PPP1R12A: variants seen among roughly 807,000 people sequenced by gnomAD.
PPP1R12A encodes myosin binding subunit.
PPP1R12A carries 19 observed loss-of-function variants against 139.6 expected under a neutral mutation model. That is an observed-to-expected ratio of 0.14 (90% CI 0.09 to 0.20). The LOEUF is 0.20. Among genes scored for constraint, PPP1R12A ranks in the 10% least tolerant of loss-of-function variants. The pLI is 1.00. For synonymous variants in PPP1R12A, 427 were observed against 420.6 expected, an observed-to-expected ratio of 1.02 and a Z score of -0.19; for missense variants, 925 against 1,211.5, an observed-to-expected ratio of 0.76 and a Z score of 3.51.
chr12:79,930,574 A>T (rs1292563239), intron 1 of PPP1R12A, among the ~76,000 whole-genome samples: 1 of 152,142 alleles, frequency 6.6e-6, no homozygotes, highest in Admixed American at 6.5e-5. Flanking sequence ...GGAGTTCGAG[A>T]CCAGTCTGAT....
chr12:79,806,295 G>C lies in PPP1R12A; in HGVS notation c.1694C>G (p.Ser565Cys). ...FGRRQDDLIS[S>C]SVPSTTSTPT... Reference sequence around the variant, plus strand: ...TGTTGATGTGGTGCTTGGAACACTAGAACTAATCAAATCATCTTGTCTTCT... The same window carrying C: ...TGTTGATGTGGTGCTTGGAACACTACAACTAATCAAATCATCTTGTCTTCT... Residue 565 changes from serine (S) to cysteine (C), a missense_variant, in exon 13 of 25, where the codon TCT (serine) becomes TGT (cysteine). By Grantham distance (112) the Ser-to-Cys change is moderately radical (BLOSUM62 -1). Coordinates refer to ENST00000450142, the MANE Select transcript of PPP1R12A (RefSeq NM_002480.3). 5.0e-6 allele frequency: 8 copies of C among 1,613,708 alleles called. No homozygotes were observed. The highest frequency in any genetic ancestry group is 6.8e-6 in the Non-Finnish European group (8 of 1,179,760).
intron 1 of PPP1R12A, among the ~76,000 whole-genome samples, chr12:79,920,282 T>C (rs1887336986): frequency 6.6e-6 from 1 of 152,220 alleles, no homozygotes; most frequent in African/African-American, 2.4e-5. Flanking sequence ...GACATTTGTG[T>C]TTTCATCTTT....
intron 3 of PPP1R12A, among the ~76,000 whole-genome samples, chr12:79,843,282 T>C (rs1343429519): frequency 6.6e-6 from 1 of 152,134 alleles, no homozygotes; most frequent in East Asian, 1.9e-4. Flanking sequence ...TTGTTTTAAA[T>C]TCTTTTGGGT....
At chr12:79,846,501 C>T (rs1879415551) in intron 2 of PPP1R12A, among the ~76,000 whole-genome samples, 1 of 152,022 alleles carries the variant, frequency 6.6e-6, no homozygotes. Context: ...GTAATCTCTG[C>T]TCACTGCAAG....
intron 23 of PPP1R12A, among the ~76,000 whole-genome samples, chr12:79,781,610 T>A (rs1317246738): frequency 6.6e-6 from 1 of 152,030 alleles, no homozygotes; most frequent in African/African-American, 2.4e-5. Flanking sequence ...TGTGGTAAAT[T>A]AAATTTTATT....
chr12:79,909,540 T>C (rs964434019), intron 1 of PPP1R12A, among the ~76,000 whole-genome samples: 13 of 151,706 alleles, frequency 8.6e-5, no homozygotes, highest in Non-Finnish European at 1.6e-4. Context: ...ATGGAGACCA[T>C]CCTCACCAAC....
chr12:79,816,643 T>C (rs1875424532), intron 9 of PPP1R12A, among the ~76,000 whole-genome samples: 1 of 151,882 alleles, frequency 6.6e-6, no homozygotes, highest in African/African-American at 2.4e-5. Context: ...AGAGAAGAGA[T>C]GAGAGGGATG....
At chr12:79,916,997 G>A (rs1358215362) in intron 1 of PPP1R12A, among the ~76,000 whole-genome samples, 1 of 151,804 alleles carries the variant, frequency 6.6e-6, no homozygotes, top group Non-Finnish European at 1.5e-5. Flanking sequence ...AACAGTTGAG[G>A]TACTTTACCA....
chr12:79,779,889 T>A (rs367771587), intron 23 of PPP1R12A: 6 of 155,970 alleles, frequency 3.8e-5, no homozygotes, highest in African/African-American at 1.4e-4. Context: ...TTTCTTATGT[T>A]TGACAAACAT....
chr12:79,818,078 CCTAA>C (rs1875625812), intron 8 of PPP1R12A, among the ~76,000 whole-genome samples: 1 of 152,142 alleles, frequency 6.6e-6, no homozygotes, highest in Non-Finnish European at 1.5e-5. Context: ...AAATAATCCA[CCTAA>C]CTGTGTAGAG....
chr12:79,832,801 TA>T (rs1489091964), intron 3 of PPP1R12A, among the ~76,000 whole-genome samples: 1 of 152,024 alleles, frequency 6.6e-6, no homozygotes, highest in African/African-American at 2.4e-5. Context: ...TCCTTTGGGC[TA>T]AATTTTTTTT....
At chr12:79,835,593 G>A (rs867722359) in intron 3 of PPP1R12A, among the ~76,000 whole-genome samples, 5 of 152,080 alleles carry the variant, frequency 3.3e-5, no homozygotes, top group East Asian at 3.9e-4. Flanking sequence ...AACTCATTCC[G>A]TCTTTAGTCC....
In PPP1R12A at chr12:79,823,661, G is replaced by A. The variant is rs372890853; in HGVS notation, c.793-1471C>T. 1.0e-4 allele frequency: 15 copies of A among 149,326 alleles called. No individual in the cohort carries two copies. The South Asian group carries it at 1.9e-3, about 19-fold the overall frequency. The allele number at this position is 149,326 out of a possible 1,614,324, so 9.3% of individuals were successfully genotyped here. A position where few individuals can be genotyped will look rare whatever the true frequency, so the allele number is the denominator to read the frequency against. ...AAGGTTGGAGTGCACTGGCACGATC[G>A]TGGCTCACTGCAGCCTCAACCTCCT... On this transcript the variant is annotated intron_variant, in intron 5 of 24. Coordinates refer to ENST00000450142, the MANE Select transcript of PPP1R12A (RefSeq NM_002480.3).
At chr12:79,788,063 T>TA (rs1465667734) in intron 21 of PPP1R12A, 23 of 152,364 alleles carry the variant, frequency 1.5e-4, no homozygotes, top group African/African-American at 5.6e-4. Context: ...TAATGTAAAA[T>TA]GATTCTCTCC....
At chr12:79,935,275 T>G, upstream of PPP1R12A, 1 of 1,081,192 alleles carries the variant, frequency 9.2e-7, no homozygotes, top group South Asian at 3.8e-5. Context: ...GGAAGAGCGC[T>G]CCCGCGAACT....
intron 2 of PPP1R12A, among the ~76,000 whole-genome samples, chr12:79,864,636 G>A (rs865983806): frequency 1.3e-5 from 2 of 152,024 alleles, no homozygotes; most frequent in Non-Finnish European, 2.9e-5. Flanking sequence ...ATGATGAAGT[G>A]GTCATCACCA....
At chr12:79,920,782 A>G (rs1887373558) in intron 1 of PPP1R12A, among the ~76,000 whole-genome samples, 1 of 152,212 alleles carries the variant, frequency 6.6e-6, no homozygotes, top group Admixed American at 6.5e-5. Flanking sequence ...AGGACTCTAC[A>G]GAGTCCCCAA....
chr12:79,806,710 A>G lies in PPP1R12A; in HGVS notation c.1656-377T>C, dbSNP rs17005955. ...TTTTTTGAAGGAAATTATTTCAGCA[A>G]TGGGTCAGATACCTCGGAAGTAACC... On this transcript the variant is annotated intron_variant, in intron 12 of 24. Coordinates refer to ENST00000450142, the MANE Select transcript of PPP1R12A (RefSeq NM_002480.3). 1,424 of 178,280 alleles carry G rather than the reference A, an allele frequency of 8.0e-3. 21 individuals carry two copies. The highest frequency in any genetic ancestry group is 0.031 in the African/African-American group (1,305 of 42,312). The allele number at this position is 178,280 out of a possible 1,614,324, so 11.0% of individuals were successfully genotyped here. A position where few individuals can be genotyped will look rare whatever the true frequency, so the allele number is the denominator to read the frequency against.
chr12:79,881,787 G>A (rs1883662951), intron 1 of PPP1R12A, among the ~76,000 whole-genome samples: 1 of 152,102 alleles, frequency 6.6e-6, no homozygotes, highest in South Asian at 2.1e-4. Context: ...AAGTTTCCAC[G>A]GACAGTTTGA....
Sources: gnomAD v4.1 joint callset for allele counts (sites outside exome capture counted in the v4.1 genomes callset) on GRCh38, gnomAD v4.1.1 for gene constraint, MANE v1.5 for transcripts, NCBI Gene and HGNC (gene_info 2026-07-23, HGNC 2026-07-21) for gene names.